The following ZNF354C variants were observed in gnomAD, a reference collection of about 807,000 sequenced individuals.
ZNF354C encodes zinc finger protein 354C.
ZNF354C carries 7 observed loss-of-function variants against 12.4 expected under a neutral mutation model. That is an observed-to-expected ratio of 0.56 (90% CI 0.32 to 1.06). The LOEUF (loss-of-function observed/expected upper bound fraction) is 1.06. Among genes scored for constraint, ZNF354C ranks in the 50% least tolerant of loss-of-function variants. The pLI is 0.04. For synonymous variants in ZNF354C, 202 were observed against 224.5 expected, an observed-to-expected ratio of 0.90 and a Z score of 0.90; for missense variants, 609 against 658.0, an observed-to-expected ratio of 0.93 and a Z score of 0.81.
chr5:179,062,193 A>G (rs935783964), intron 2 of ZNF354C, 98 bp downstream of exon 2: 1 of 1,508,984 alleles, frequency 6.6e-7, no homozygotes, highest in Admixed American at 1.7e-5. Context: ...TTTTGGTCCA[A>G]CCAAAACGAT....
At position 179,078,743 on chromosome 5, in the gene ZNF354C, A is replaced by G; in HGVS notation, c.311A>G (p.Glu104Gly). 3 of 1,612,746 alleles carry G rather than the reference A, an allele frequency of 1.9e-6. No individual in the cohort carries two copies. The highest frequency in any genetic ancestry group is 2.5e-6 in the Non-Finnish European group (3 of 1,179,714). ...LPHRQDIFIEETSQGMVKKES... is the reference protein window; with the variant it reads ...LPHRQDIFIEGTSQGMVKKES... ...CATAGACAGGACATTTTTATAGAAGAAACATCTCAGGGAATGGTAAAGAAA... is the reference window on the plus strand; with the variant it reads ...CATAGACAGGACATTTTTATAGAAGGAACATCTCAGGGAATGGTAAAGAAA... Residue 104 changes from glutamate (E) to glycine (G), a missense_variant, in exon 5 of 5, where the codon GAA becomes GGA. By Grantham distance (98) the Glu-to-Gly change is moderately conservative (BLOSUM62 -2). Transcript: ENST00000315475.
intron 2 of ZNF354C, among the ~76,000 whole-genome samples, chr5:179,075,429 A>T (rs1762105093): frequency 6.6e-6 from 1 of 151,842 alleles, no homozygotes; most frequent in Non-Finnish European, 1.5e-5. Flanking sequence ...TCAAAAAAAA[A>T]ATTATAAATA....
Position 179,079,984 on chromosome 5 carries a change from C to A in ZNF354C, c.1552C>A (p.His518Asn). The change falls in exon 5 of 5, where the codon CAC becomes AAC. Residue 518 changes from histidine to asparagine, a missense_variant. By Grantham distance (68) the His-to-Asn change is moderately conservative. Transcript: ENST00000315475. The surrounding 1 kb of genome is among the most constrained non-coding windows in gnomAD (Gnocchi z 4.2). ...RSNLCRHKKV[H>N]TKEKLYKWKE... is the part of the protein sequence containing the mutation. ...AAACCTTTGTAGACACAAAAAAGTT[C>A]ACACGAAAGAGAAACTCTATAAGTG... 1 of 1,614,000 alleles carries A rather than the reference C, an allele frequency of 6.2e-7. No individual in the cohort carries two copies. Among genetic ancestry groups the A allele is most frequent in the Non-Finnish European group, 8.5e-7 (1 of 1,179,948 alleles).
At position 179,079,765 on chromosome 5, in the gene ZNF354C, T is replaced by C; in HGVS notation, c.1333T>C (p.Cys445Arg). 6.2e-7 allele frequency: 1 copy of C among 1,614,146 alleles called. No homozygotes were observed. Among genetic ancestry groups the C allele is most frequent in the Non-Finnish European group, 8.5e-7 (1 of 1,180,028 alleles). ...TGEKLYTCEE[C>R]GKAFGCKSNL... Reference sequence around the variant, plus strand: ...GGAAAAACTTTATACATGTGAGGAATGTGGGAAAGCCTTTGGTTGCAAATC... The same window carrying C: ...GGAAAAACTTTATACATGTGAGGAACGTGGGAAAGCCTTTGGTTGCAAATC... The change falls in exon 5 of 5, where the codon TGT (cysteine) becomes CGT (arginine). Residue 445 changes from cysteine (C) to arginine (R), a missense_variant. Physicochemically the swap from Cys to Arg is radical, Grantham distance 180. Coordinates refer to ENST00000315475, the MANE Select transcript of ZNF354C (RefSeq NM_014594.3). The surrounding 1 kb of genome is among the most constrained non-coding windows in gnomAD (Gnocchi z 4.2).
At chr5:179,076,240 G>A (rs888978188) in intron 2 of ZNF354C, among the ~76,000 whole-genome samples, 1 of 152,188 alleles carries the variant, frequency 6.6e-6, no homozygotes, top group African/African-American at 2.4e-5. Context: ...CCCACTGCAC[G>A]TGGCATGTGT....
In ZNF354C at chr5:179,082,895, C is replaced by A. The variant is rs1762248399; in HGVS notation, c.*2798C>A. ...TCCAGGCACTGCACTTGCCAGTGCG[C>A]TGATGAAGAATCACGGAGAACTCCA... On this transcript the variant is annotated 3_prime_UTR_variant, in exon 5 of 5. Transcript: ENST00000315475. The A allele has an allele frequency of 9.8e-7, 1 of 1,021,754 alleles. No homozygotes were observed. The highest frequency in any genetic ancestry group is 2.4e-5 in the East Asian group (1 of 42,136). The allele number at this position is 1,021,754 out of a possible 1,614,324, so 63.3% of individuals were successfully genotyped here.
At chr5:179,063,190 A>G (rs1761916665) in intron 2 of ZNF354C, among the ~76,000 whole-genome samples, 1 of 152,200 alleles carries the variant, frequency 6.6e-6, no homozygotes, top group Admixed American at 6.5e-5. Flanking sequence ...AAGTTATTTT[A>G]TCTCTCTGTA....
intron 4 of ZNF354C, among the ~76,000 whole-genome samples, chr5:179,077,907 G>A (rs1762148549): frequency 6.7e-6 from 1 of 148,856 alleles, no homozygotes; most frequent in South Asian, 2.2e-4. Flanking sequence ...CCAGGCTCAA[G>A]CGATCCTTTC....
rs73806855 is a variant in ZNF354C at position 179,068,500 on chromosome 5, T to C, written c.27+6405T>C. ...GTAATAGGATTTAGTATGATTTACA[T>C]TGTGTTTTTGTTTTCAATTTAGACA... On this transcript the variant is annotated intron_variant, in intron 2 of 4. Transcript: ENST00000315475. Among the ~76,000 whole-genome samples, 770 of 152,334 alleles carry C rather than the reference T, an allele frequency of 5.1e-3. 5 individuals carry two copies. The highest frequency in any genetic ancestry group is 0.018 in the African/African-American group (738 of 41,568).
At position 179,079,770 on chromosome 5, in the gene ZNF354C, G is replaced by A; in HGVS notation, c.1338G>A (p.Gly446=). The A allele has an allele frequency of 6.2e-7, 1 of 1,613,968 alleles. No homozygotes were observed. The highest frequency in any genetic ancestry group is 1.1e-5 in the South Asian group (1 of 91,068). The change falls in exon 5 of 5, where the codon GGG becomes GGA. Residue 446 remains glycine (G), a synonymous_variant. Coordinates refer to ENST00000315475, the MANE Select transcript of ZNF354C (RefSeq NM_014594.3). The surrounding 1 kb of genome is among the most constrained non-coding windows in gnomAD (Gnocchi z 4.2). ...AACTTTATACATGTGAGGAATGTGG[G>A]AAAGCCTTTGGTTGCAAATCTAACC... is the stretch of plus-strand genomic sequence containing the variant. ...GEKLYTCEEC[G]KAFGCKSNLY...
In ZNF354C at chr5:179,078,721, A is replaced by G; in HGVS notation, c.289A>G (p.Arg97Gly). Reference protein sequence around the residue: ...TWLETEALPHRQDIFIEETSQ... With the variant: ...TWLETEALPHGQDIFIEETSQ... ...GCTTGAAACAGAAGCATTGCCTCATAGACAGGACATTTTTATAGAAGAAAC... is the reference window on the plus strand; with the variant it reads ...GCTTGAAACAGAAGCATTGCCTCATGGACAGGACATTTTTATAGAAGAAAC... The change falls in exon 5 of 5, where the codon AGA becomes GGA. Residue 97 changes from arginine to glycine, a missense_variant. Arg to Gly is a moderately radical substitution (Grantham distance 125, BLOSUM62 -2). Transcript: ENST00000315475. 6.2e-7 allele frequency: 1 copy of G among 1,611,218 alleles called. No individual in the cohort carries two copies.
At chr5:179,064,354 TC>T (rs1761933039) in intron 2 of ZNF354C, among the ~76,000 whole-genome samples, 1 of 151,918 alleles carries the variant, frequency 6.6e-6, no homozygotes, top group Non-Finnish European at 1.5e-5. Context: ...CCTGCGATCC[TC>T]CTGCCTTGGC....
chr5:179,069,498 G>T (rs1762012317), intron 2 of ZNF354C, among the ~76,000 whole-genome samples: 2 of 150,194 alleles, frequency 1.3e-5, no homozygotes, highest in African/African-American at 4.9e-5. Flanking sequence ...GGGAGGCAGA[G>T]GTTGCAGTGA....
In ZNF354C at chr5:179,083,494, G is replaced by A. The variant is rs1056597550; in HGVS notation, c.*3397G>A. ...GGTCATTTAAAACATTTTTCTATGTGTGTCAATTTTTAATAAAAATGCAAA... is the reference window on the plus strand; with the variant it reads ...GGTCATTTAAAACATTTTTCTATGTATGTCAATTTTTAATAAAAATGCAAA... On this transcript the variant is annotated 3_prime_UTR_variant, in exon 5 of 5. Coordinates refer to ENST00000315475, the MANE Select transcript of ZNF354C (RefSeq NM_014594.3). 1.3e-5 allele frequency: 2 copies of A among 151,332 alleles called. No homozygotes were observed. Among genetic ancestry groups the A allele is most frequent in the South Asian group, 4.2e-4 (2 of 4,754 alleles). The allele number at this position is 151,332 out of a possible 1,614,324, so 9.4% of individuals were successfully genotyped here.
In ZNF354C at chr5:179,079,541, C is replaced by T. The variant is rs759242596; in HGVS notation, c.1109C>T (p.Ser370Phe). ...GGGAAGGGATACAGCCAGTTTACAT[C>T]TCTAGCTGAACATCAGAGGTTTCAT... ...ECGKGYSQFTSLAEHQRFHTG... is the reference protein window; with the variant it reads ...ECGKGYSQFTFLAEHQRFHTG... Residue 370 changes from serine to phenylalanine, a missense_variant, in exon 5 of 5, where the codon TCT becomes TTT. By Grantham distance (155) the Ser-to-Phe change is radical. Coordinates refer to ENST00000315475, the MANE Select transcript of ZNF354C (RefSeq NM_014594.3). The surrounding 1 kb of genome is among the most constrained non-coding windows in gnomAD (Gnocchi z 4.2). 6.2e-7 allele frequency: 1 copy of T among 1,614,162 alleles called. No homozygotes were observed. The highest frequency in any genetic ancestry group is 1.1e-5 in the South Asian group (1 of 91,084).
At chr5:179,071,907 G>C (rs1762057606) in intron 2 of ZNF354C, among the ~76,000 whole-genome samples, 1 of 152,166 alleles carries the variant, frequency 6.6e-6, no homozygotes. Context: ...CACTAGAGAG[G>C]TGGCAGAGTT....
At chr5:179,077,256 C>T (rs1286545504) in intron 4 of ZNF354C, 90 bp downstream of exon 4, 8 of 1,024,214 alleles carry the variant, frequency 7.8e-6, no homozygotes, top group African/African-American at 1.6e-5. Context: ...CTTGGAAATA[C>T]TGAGTCCTCT....
chr5:179,066,233 G>C (rs1469354064), intron 2 of ZNF354C, among the ~76,000 whole-genome samples: 1 of 152,160 alleles, frequency 6.6e-6, no homozygotes, highest in Non-Finnish European at 1.5e-5. Flanking sequence ...ACTAATCGAA[G>C]TCCACCTTCA....
chr5:179,079,312 CA>C lies in ZNF354C; in HGVS notation c.881del (p.His294LeufsTer78), dbSNP rs1190059805. On this transcript the variant is annotated frameshift_variant, in exon 5 of 5. Coordinates refer to ENST00000315475, the MANE Select transcript of ZNF354C (RefSeq NM_014594.3). LOFTEE classifies it low-confidence loss of function (END_TRUNC). The surrounding 1 kb of genome is among the most constrained non-coding windows in gnomAD (Gnocchi z 4.2). ...AACCCTTATCAAACATCTGAGAGTG[CA>C]TACTGGAGAGAAACCGTATCGATGT... Reference protein sequence around the residue: ...SSTLIKHLRVHTGEKPYRCRE... With the variant: ...SSTLIKHLRVXTGEKPYRCRE... The C allele has an allele frequency of 5.0e-6, 8 of 1,614,168 alleles. No homozygotes were observed. The highest frequency in any genetic ancestry group is 5.1e-6 in the Non-Finnish European group (6 of 1,180,030).
Sources: allele counts gnomAD v4.1 joint callset (sites outside exome capture counted in the v4.1 genomes callset), GRCh38; gene constraint gnomAD v4.1.1; non-coding constraint Gnocchi (gnomAD v3.1); transcripts MANE v1.5; gene names NCBI Gene and HGNC (gene_info 2026-07-23, HGNC 2026-07-21).